Variants in RHOH observed in about 807,000 individuals in gnomAD.
The protein encoded by RHOH is ras homolog family member H.
A neutral mutation model predicts 13.8 loss-of-function variants in RHOH; 6 were observed. That is an observed-to-expected ratio of 0.44 (90% CI 0.24 to 0.86). The LOEUF (loss-of-function observed/expected upper bound fraction) is 0.86, where lower values mean the gene tolerates loss of function less well. RHOH is among the 40% of genes least tolerant of loss of function. The pLI is 0.24. For synonymous variants in RHOH, 117 were observed against 103.0 expected, an observed-to-expected ratio of 1.14 and a Z score of -0.82; for missense variants, 147 against 244.5, an observed-to-expected ratio of 0.60 and a Z score of 2.66.
intron 1 of RHOH, among the ~76,000 whole-genome samples, chr4:40,208,732 T>G (rs1724930315): frequency 1.3e-5 from 2 of 152,162 alleles, no homozygotes; most frequent in African/African-American, 4.8e-5. Context: ...AGGTGTTTTA[T>G]TATAAAAGCA....
At chr4:40,241,215 G>T (rs1252110212) in intron 1 of RHOH, among the ~76,000 whole-genome samples, 3 of 152,190 alleles carry the variant, frequency 2.0e-5, no homozygotes, top group Admixed American at 6.5e-5. Flanking sequence ...GTAACCTGGT[G>T]TGAGTCTGGA....
At chr4:40,195,350 TTCTTTTCC>T (rs1349624047), upstream of RHOH, among the ~76,000 whole-genome samples, 35 of 143,526 alleles carry the variant, frequency 2.4e-4, no homozygotes, top group African/African-American at 9.1e-4. Context: ...TTTCCTTTCT[TTCTTTTCC>T]TTCCTTCCTT....
intron 1 of RHOH, among the ~76,000 whole-genome samples, chr4:40,226,302 G>A (rs886207894): frequency 1.6e-4 from 24 of 151,984 alleles, no homozygotes; most frequent in Non-Finnish European, 2.9e-4. Context: ...TGAGGCGGGC[G>A]GATCACCTGA....
upstream of RHOH, among the ~76,000 whole-genome samples, chr4:40,194,806 G>A (rs780613338): frequency 2.0e-5 from 3 of 152,150 alleles, no homozygotes; most frequent in Non-Finnish European, 4.4e-5. Context: ...TAAACTCTTC[G>A]GTGAGATGCA....
chr4:40,211,038 G>A (rs1383392513), intron 1 of RHOH, among the ~76,000 whole-genome samples: 1 of 152,146 alleles, frequency 6.6e-6, no homozygotes, highest in Non-Finnish European at 1.5e-5. Context: ...AATGCGTGCC[G>A]TAGAGAATGT....
At chr4:40,210,952 G>C (rs77030517) in intron 1 of RHOH, among the ~76,000 whole-genome samples, 1,732 of 152,294 alleles carry the variant, frequency 0.011, 34 homozygotes, top group African/African-American at 0.039. Context: ...GACCAAACAT[G>C]ATCCATTGCC....
intron 1 of RHOH, among the ~76,000 whole-genome samples, chr4:40,199,111 A>G (rs73229767): frequency 3.3e-5 from 5 of 152,198 alleles, no homozygotes; most frequent in Non-Finnish European, 2.9e-5. Context: ...GATTAAAAAA[A>G]AAATTCACAA....
chr4:40,241,385 A>T (rs994169718), intron 1 of RHOH, among the ~76,000 whole-genome samples: 3 of 152,234 alleles, frequency 2.0e-5, no homozygotes, highest in Non-Finnish European at 4.4e-5. Context: ...CTGAATCCTT[A>T]CAGTGATCAC....
intron 1 of RHOH, among the ~76,000 whole-genome samples, chr4:40,205,175 A>G (rs1284743863): frequency 6.6e-6 from 1 of 152,212 alleles, no homozygotes; most frequent in Non-Finnish European, 1.5e-5. Flanking sequence ...GAGGCAGGAG[A>G]ATCGCTTGAA....
In RHOH at chr4:40,207,716, C is replaced by T. The variant is rs370224763; in HGVS notation, c.-331+10416C>T. The stretch of plus-strand genomic sequence containing the variant: ...GCACTGTGGCTCACGCCTGTAATCC[C>T]GGCACTTTGGGAGGCCAAGGCGAAC... On this transcript the variant is annotated intron_variant, in intron 1 of 2. Coordinates refer to ENST00000381799, the MANE Select transcript of RHOH (RefSeq NM_004310.5). 1.8e-4 allele frequency among the ~76,000 whole-genome samples: 27 copies of T among 152,334 alleles called. No homozygotes were observed. In the East Asian group the frequency reaches 2.9e-3, roughly 16 times the overall value.
At chr4:40,237,867 C>T (rs1267279540) in intron 1 of RHOH, among the ~76,000 whole-genome samples, 1 of 152,194 alleles carries the variant, frequency 6.6e-6, no homozygotes, top group African/African-American at 2.4e-5. Context: ...TAACTTCAAA[C>T]CTGCAATAAT....
upstream of RHOH, among the ~76,000 whole-genome samples, chr4:40,193,446 C>T (rs1370900455): frequency 2.3e-5 from 3 of 129,614 alleles, no homozygotes; most frequent in Non-Finnish European, 4.7e-5. Flanking sequence ...ACCACTACCC[C>T]TGTCGGTTAA....
Position 40,243,252 on chromosome 4 carries a change from C to T in RHOH, c.-135C>T, listed in dbSNP as rs73229775. 3,283 of 647,676 alleles carry T rather than the reference C, an allele frequency of 5.1e-3. 14 individuals carry two copies. The highest frequency in any genetic ancestry group is 7.4e-3 in the Non-Finnish European group (2,840 of 384,376). The allele number at this position is 647,676 out of a possible 1,614,324, so 40.1% of individuals were successfully genotyped here. A position where few individuals can be genotyped will look rare whatever the true frequency, so the allele number is the denominator to read the frequency against. On this transcript the variant is annotated 5_prime_UTR_variant, in exon 3 of 3. Transcript: ENST00000381799. This position sits in a 1 kb window ranked among gnomAD's most constrained non-coding sequence, Gnocchi z 6.2. ...CAGGGAGAAGTAACATTCTGCAAAT[C>T]GCCGTCAGAGGTCCTGAGGACACAG... is the stretch of plus-strand genomic sequence containing the variant.
At chr4:40,199,470 A>T (rs969188239) in intron 1 of RHOH, among the ~76,000 whole-genome samples, 3 of 152,186 alleles carry the variant, frequency 2.0e-5, no homozygotes, top group Non-Finnish European at 4.4e-5. Flanking sequence ...GTGAGAATAC[A>T]TATGAAAGAA....
intron 1 of RHOH, among the ~76,000 whole-genome samples, chr4:40,217,670 T>G (rs999778030): frequency 3.9e-5 from 6 of 152,230 alleles, no homozygotes; most frequent in African/African-American, 1.2e-4. Context: ...CATATTGTCT[T>G]CCTCCCACCT....
intron 1 of RHOH, among the ~76,000 whole-genome samples, chr4:40,225,049 C>G (rs371093826): frequency 1.1e-4 from 16 of 152,144 alleles, no homozygotes; most frequent in African/African-American, 3.6e-4. Flanking sequence ...GCTAAGGCTA[C>G]AGGTACATGC....
chr4:40,242,527 G>A (rs1391477818), intron 1 of RHOH, among the ~76,000 whole-genome samples, 187 bp from the exon 2 acceptor site: 1 of 152,180 alleles, frequency 6.6e-6, no homozygotes, highest in Non-Finnish European at 1.5e-5. Flanking sequence ...AGGCCAGTCT[G>A]TTGCATCTCT....
chr4:40,197,707 G>A (rs55697050), intron 1 of RHOH, among the ~76,000 whole-genome samples: 29,821 of 152,178 alleles, frequency 0.2, 3,123 homozygotes, highest in Admixed American at 0.25. Flanking sequence ...AAACAGAACC[G>A]AAGTCTAAAT....
intron 1 of RHOH, among the ~76,000 whole-genome samples, chr4:40,238,946 G>A (rs1184783600): frequency 6.6e-6 from 1 of 152,104 alleles, no homozygotes; most frequent in Non-Finnish European, 1.5e-5. Context: ...ACCCGCGGCA[G>A]CTCACTCCTG....
Sources: gnomAD v4.1 joint callset for allele counts (sites outside exome capture counted in the v4.1 genomes callset) on GRCh38, gnomAD v4.1.1 for gene constraint, Gnocchi (gnomAD v3.1) non-coding constraint, MANE v1.5 for transcripts, NCBI Gene and HGNC (gene_info 2026-07-23, HGNC 2026-07-21) for gene names.